Variants in DMD observed in about 807,000 individuals in gnomAD.
DMD encodes mutant dystrophin.
In DMD, 63 loss-of-function variants were observed where a neutral mutation model predicts 330.1. The observed-to-expected ratio is 0.19, with a 90% confidence interval of 0.16 to 0.24. The LOEUF is 0.24. Among genes scored for constraint, DMD ranks in the 10% least tolerant of loss-of-function variants. The pLI, the probability that DMD is intolerant of heterozygous loss-of-function variation, is 1.00. For synonymous variants in DMD, 1,223 were observed against 959.8 expected (o/e 1.27, Z -5.07); for missense variants, 3,344 against 2,684.1 (o/e 1.25, Z -5.43).
At position 31,840,456 on chromosome X, in the gene DMD, CAT is replaced by C. The variant is rs1490694125; in HGVS notation, c.7099-3639_7099-3638del. 9.1e-5 allele frequency among the ~76,000 whole-genome samples: 10 copies of C among 109,634 alleles called. No homozygotes were observed. In the Admixed American group the frequency reaches 9.8e-4, roughly 11 times the overall value. On this transcript the variant is annotated intron_variant, in intron 48 of 78. Coordinates refer to ENST00000357033, the MANE Select transcript of DMD (RefSeq NM_004006.3). ...AATATGCACATATAATACACATACA[CAT>C]ATGTGTGAGTGGATATATAGACACA...
Position 32,813,293 on chromosome X carries a change from G to A in DMD, c.530+3175C>T, listed in dbSNP as rs2077502414. On this transcript the variant is annotated intron_variant, in intron 6 of 78. Coordinates refer to ENST00000357033, the MANE Select transcript of DMD (RefSeq NM_004006.3). The stretch of plus-strand genomic sequence containing the variant: ...ATTGTAAAACTAACCAACTATGAAG[G>A]AAACCCACACAGCATTTAATGTTAA... Among the ~76,000 whole-genome samples the A allele has an allele frequency of 2.7e-5, 3 of 111,465 alleles. No homozygotes were observed. The South Asian group carries it at 1.1e-3, about 41-fold the overall frequency.
chrX:32,820,190 A>G (rs1328299564), intron 5 of DMD, among the ~76,000 whole-genome samples: 1 of 112,593 alleles, frequency 8.9e-6, no homozygotes, highest in Non-Finnish European at 1.9e-5. Flanking sequence ...CTGTAATCCA[A>G]ACACTTTGGG....
At chrX:32,705,076 CACTG>C (rs199707599) in intron 7 of DMD, among the ~76,000 whole-genome samples, 15,816 of 111,629 alleles carry the variant, frequency 0.14, 2,658 homozygotes, top group African/African-American at 0.48. Flanking sequence ...TGGCATTCAG[CACTG>C]ACTGCATTGT....
chrX:32,210,211 T>C (rs1377483225), intron 44 of DMD, among the ~76,000 whole-genome samples: 1 of 112,338 alleles, frequency 8.9e-6, no homozygotes, highest in Non-Finnish European at 1.9e-5. Flanking sequence ...AGTAAGTGAC[T>C]AGAGACAAAT....
At chrX:33,052,372 T>C (rs1347738014) in intron 1 of DMD, among the ~76,000 whole-genome samples, 1 of 112,078 alleles carries the variant, frequency 8.9e-6, no homozygotes, top group Non-Finnish European at 1.9e-5. Context: ...GAATGACTTT[T>C]TTTCTCCCCT....
intron 6 of DMD, among the ~76,000 whole-genome samples, chrX:32,814,324 T>C (rs192187631): frequency 8.0e-5 from 9 of 112,342 alleles, no homozygotes; most frequent in African/African-American, 2.3e-4. Context: ...GTAGTGGACT[T>C]TGCGTTTTAT....
chrX:33,143,613 C>T (rs2047898427), intron 1 of DMD, among the ~76,000 whole-genome samples: 1 of 111,395 alleles, frequency 9.0e-6, no homozygotes, highest in Non-Finnish European at 1.9e-5. Flanking sequence ...TAAAAAAACC[C>T]AAAACCTACT....
chrX:31,367,628 G>C (rs1431297004), intron 60 of DMD, among the ~76,000 whole-genome samples: 2 of 111,733 alleles, frequency 1.8e-5, no homozygotes, highest in African/African-American at 3.3e-5. Context: ...CATGTATTGA[G>C]TGCGTGCTTT....
chrX:32,699,088 G>C (rs767647711), intron 8 of DMD, 24 bp downstream of exon 8: 1 of 1,183,816 alleles, frequency 8.4e-7, no homozygotes, highest in Non-Finnish European at 1.1e-6. Context: ...ATCTTGAATA[G>C]TAGCTGTCCT....
At chrX:31,914,243 G>A in intron 47 of DMD, among the ~76,000 whole-genome samples, 1 of 111,493 alleles carries the variant, frequency 9.0e-6, no homozygotes, top group Non-Finnish European at 1.9e-5. Flanking sequence ...CTGGGCTGGA[G>A]AGAATGTGGA....
intron 2 of DMD, among the ~76,000 whole-genome samples, chrX:32,889,350 T>A (rs765491449): frequency 9.0e-6 from 1 of 110,821 alleles, no homozygotes; most frequent in Admixed American, 9.6e-5. Context: ...TTCTTGACCG[T>A]ACAGAGATAT....
intron 44 of DMD, among the ~76,000 whole-genome samples, chrX:32,101,268 C>G (rs1453733291): frequency 9.0e-6 from 1 of 111,702 alleles, no homozygotes; most frequent in Non-Finnish European, 1.9e-5. Context: ...TGATGTCAGA[C>G]AGGCCAGAGT....
At chrX:31,484,743 A>G (rs1242014888) in intron 57 of DMD, among the ~76,000 whole-genome samples, 1 of 112,075 alleles carries the variant, frequency 8.9e-6, no homozygotes, top group Non-Finnish European at 1.9e-5. Flanking sequence ...ATTGCACTTA[A>G]AACACCATAG....
rs1193667881 is a variant in DMD at position 31,421,942 on chromosome X, C to CAT, written c.9084+22537_9084+22538dup. On this transcript the variant is annotated intron_variant, in intron 60 of 78. Coordinates refer to ENST00000357033, the MANE Select transcript of DMD (RefSeq NM_004006.3). ...ATATATATATATATATACACACACA[C>CAT]ATATATATATATATATACACATATA... Among the ~76,000 whole-genome samples, 94 of 47,643 alleles carry CAT rather than the reference C, an allele frequency of 2.0e-3. 1 individual carries two copies. Among genetic ancestry groups the CAT allele is most frequent in the South Asian group, 4.5e-3 (5 of 1,113 alleles). 41.4% of individuals were successfully genotyped at this position (47,643 alleles called of 115,157 possible). A position where few individuals can be genotyped will look rare whatever the true frequency, so the allele number is the denominator to read the frequency against.
intron 2 of DMD, among the ~76,000 whole-genome samples, chrX:33,005,644 A>G (rs933077877): frequency 1.8e-5 from 2 of 110,286 alleles, no homozygotes; most frequent in African/African-American, 6.6e-5. Flanking sequence ...AAAAACACCT[A>G]TAATTGACAT....
intron 48 of DMD, among the ~76,000 whole-genome samples, chrX:31,869,515 G>A (rs1031380761): frequency 1.9e-4 from 20 of 106,248 alleles, no homozygotes; most frequent in African/African-American, 5.5e-4. Context: ...ATCTGGCTGC[G>A]ATTCTCCAAA....
intron 11 of DMD, among the ~76,000 whole-genome samples, chrX:32,627,848 C>T (rs61498992): frequency 3.6e-5 from 4 of 110,818 alleles, no homozygotes; most frequent in African/African-American, 1.3e-4. Context: ...GACAATTGTT[C>T]TTAGCATGAT....
At chrX:32,772,390 T>C (rs2073705626) in intron 7 of DMD, among the ~76,000 whole-genome samples, 1 of 112,656 alleles carries the variant, frequency 8.9e-6, no homozygotes, top group Non-Finnish European at 1.9e-5. Flanking sequence ...TGAATTAAAA[T>C]AAACATCATT....
chrX:31,627,618 T>G, intron 55 of DMD, 55 bp downstream of exon 55: 31 of 1,152,411 alleles, frequency 2.7e-5, no homozygotes, highest in African/African-American at 3.5e-5. Flanking sequence ...GTACAAATGC[T>G]GAGAATTGTT....
Sources: gnomAD v4.1 joint callset for allele counts (sites outside exome capture counted in the v4.1 genomes callset) on GRCh38, gnomAD v4.1.1 for gene constraint, MANE v1.5 for transcripts, NCBI Gene and HGNC (gene_info 2026-07-23, HGNC 2026-07-21) for gene names.